Variants in CAB39L observed in about 807,000 individuals in gnomAD.
The protein encoded by CAB39L is calcium binding protein 39 like, also known as calcium-binding protein 39-like.
In CAB39L, 23 loss-of-function variants were observed where a neutral mutation model predicts 39.1. The ratio of observed to expected loss-of-function variants is 0.59; its 90% CI spans 0.42 to 0.83. The LOEUF is 0.83. Ranked by LOEUF, CAB39L falls within the 40% of genes least tolerant of loss-of-function variation. The probability of loss-of-function intolerance (pLI) is 0.00; values close to 1 mark genes in which losing one functional copy is unlikely to be tolerated. For synonymous variants in CAB39L, 126 were observed against 137.2 expected (o/e 0.92, Z 0.57); for missense variants, 366 against 391.9 (o/e 0.93, Z 0.56).
At chr13:49,430,395 C>T (rs1208850674) in intron 3 of CAB39L, among the ~76,000 whole-genome samples, 1 of 152,188 alleles carries the variant, frequency 6.6e-6, no homozygotes, top group African/African-American at 2.4e-5. Flanking sequence ...CCCAGACCCA[C>T]ACAAGGTGGC....
intron 5 of CAB39L, among the ~76,000 whole-genome samples, chr13:49,370,554 T>C (rs1030364968): frequency 6.6e-6 from 1 of 152,202 alleles, no homozygotes; most frequent in African/African-American, 2.4e-5. Context: ...TCATTCAGCT[T>C]TGTGTTGTCC....
chr13:49,430,585 G>C (rs1957306238), intron 3 of CAB39L, among the ~76,000 whole-genome samples: 1 of 152,134 alleles, frequency 6.6e-6, no homozygotes, highest in African/African-American at 2.4e-5. Context: ...TCATTTTCAA[G>C]AGTTTTTTAG....
chr13:49,442,797 A>AAAAAAAC (rs1957556058), intron 1 of CAB39L, among the ~76,000 whole-genome samples: 1 of 122,318 alleles, frequency 8.2e-6, no homozygotes, highest in African/African-American at 3.3e-5. Flanking sequence ...CAAAAAAAAA[A>AAAAAAAC]AAAAAAAAAA....
Position 49,405,747 on chromosome 13 carries a change from A to AAGGG in CAB39L, c.-31-22810_-31-22807dup, listed in dbSNP as rs1161525474. ...GAAGGAAGGAAGGAAGGAAGGAAGG[A>AAGGG]AGGGAGGGAGGGACGGAGGGACAGA... is the stretch of plus-strand genomic sequence containing the variant. On this transcript the variant is annotated intron_variant, in intron 3 of 10. Coordinates refer to ENST00000409308, the MANE Select transcript of CAB39L (RefSeq NM_001079670.3). Among the ~76,000 whole-genome samples the AAGGG allele has an allele frequency of 5.4e-5, 7 of 130,670 alleles. No homozygotes were observed. In the South Asian group the frequency reaches 1.2e-3, roughly 22 times the overall value. The allele number at this position is 130,670 out of a possible 152,430, so 85.7% of individuals were successfully genotyped here. A position where few individuals can be genotyped will look rare whatever the true frequency, so the allele number is the denominator to read the frequency against.
intron 3 of CAB39L, among the ~76,000 whole-genome samples, chr13:49,430,405 C>T (rs547784432): frequency 2.0e-5 from 3 of 152,256 alleles, no homozygotes; most frequent in African/African-American, 7.2e-5. Flanking sequence ...CACAAGGTGG[C>T]TATAACCTAA....
intron 10 of CAB39L, among the ~76,000 whole-genome samples, chr13:49,313,278 G>A (rs1312198824): frequency 3.3e-5 from 5 of 152,110 alleles, no homozygotes; most frequent in South Asian, 4.2e-4. Flanking sequence ...TCAGGAGATC[G>A]AGACCATCCT....
At chr13:49,396,481 G>A (rs1171096978) in intron 3 of CAB39L, among the ~76,000 whole-genome samples, 2 of 152,136 alleles carry the variant, frequency 1.3e-5, no homozygotes, top group Admixed American at 6.5e-5. Context: ...GGCTAAGGTG[G>A]GTGGATCACA....
intron 9 of CAB39L, among the ~76,000 whole-genome samples, chr13:49,338,781 C>A (rs1005237794): frequency 6.6e-6 from 1 of 152,162 alleles, no homozygotes; most frequent in Non-Finnish European, 1.5e-5. Flanking sequence ...TAGGGAATGA[C>A]CATGTTTCAT....
At chr13:49,436,808 T>C (rs1333722677) in intron 1 of CAB39L, among the ~76,000 whole-genome samples, 1 of 152,234 alleles carries the variant, frequency 6.6e-6, no homozygotes, top group Non-Finnish European at 1.5e-5. Context: ...TTTGAGACTT[T>C]TTATCTCTAC....
chr13:49,433,481 T>C, intron 2 of CAB39L, 88 bp from the exon 3 acceptor site: 1 of 389,896 alleles, frequency 2.6e-6, no homozygotes, highest in South Asian at 1.9e-5. Context: ...GTATACAGAA[T>C]TACAAATTAA....
At position 49,365,550 on chromosome 13, in the gene CAB39L, A is replaced by G. The variant is rs562021896; in HGVS notation, c.277-5718T>C. On this transcript the variant is annotated intron_variant, in intron 5 of 10. Coordinates refer to ENST00000409308, the MANE Select transcript of CAB39L (RefSeq NM_001079670.3). ...ACAGGCCTTCTATGAAAAGGTGCTC[A>G]ACATCACTGATTATCAGAGAAATGC... 2.0e-5 allele frequency among the ~76,000 whole-genome samples: 3 copies of G among 152,354 alleles called. No individual in the cohort carries two copies. In the South Asian group the frequency reaches 6.2e-4, roughly 32 times the overall value.
intron 3 of CAB39L, among the ~76,000 whole-genome samples, chr13:49,422,281 A>G (rs1297948149): frequency 1.3e-5 from 2 of 152,188 alleles, no homozygotes; most frequent in Non-Finnish European, 2.9e-5. Flanking sequence ...GCATTTAAAA[A>G]TTTATTTCTG....
At chr13:49,406,541 C>G (rs1275509900) in intron 3 of CAB39L, among the ~76,000 whole-genome samples, 1 of 151,740 alleles carries the variant, frequency 6.6e-6, no homozygotes, top group Non-Finnish European at 1.5e-5. Flanking sequence ...CCTATTTACC[C>G]TGAGGTGATT....
At chr13:49,375,040 CAA>C (rs1323488924) in intron 5 of CAB39L, among the ~76,000 whole-genome samples, 1 of 151,840 alleles carries the variant, frequency 6.6e-6, no homozygotes, top group Non-Finnish European at 1.5e-5. Flanking sequence ...AGGGTTATAA[CAA>C]AAACAAACCA....
chr13:49,353,004 T>C (rs1031093999), intron 6 of CAB39L, among the ~76,000 whole-genome samples: 12 of 152,218 alleles, frequency 7.9e-5, no homozygotes, highest in Admixed American at 4.6e-4. Context: ...ATATCAAATT[T>C]ACAAATATTA....
At chr13:49,355,382 G>A (rs1015598650) in intron 6 of CAB39L, among the ~76,000 whole-genome samples, 12 of 151,916 alleles carry the variant, frequency 7.9e-5, no homozygotes, top group Non-Finnish European at 7.4e-5. Context: ...ACCCTGTCTC[G>A]ATAAATAAAT....
rs547031269 is a variant in CAB39L at position 49,322,545 on chromosome 13, C to T, written c.834+9402G>A. Among the ~76,000 whole-genome samples, 7 of 152,288 alleles carry T rather than the reference C, an allele frequency of 4.6e-5. No homozygotes were observed. The East Asian group carries it at 1.3e-3, about 29-fold the overall frequency. On this transcript the variant is annotated intron_variant, in intron 10 of 10. Coordinates refer to ENST00000409308, the MANE Select transcript of CAB39L (RefSeq NM_001079670.3). ...CAAGTTATTAAGATTCATATTTAAA[C>T]CCAATAGCTCATTTTAACTATTTTG...
intron 9 of CAB39L, among the ~76,000 whole-genome samples, chr13:49,335,838 A>C (rs1490689390): frequency 6.6e-6 from 1 of 152,234 alleles, no homozygotes; most frequent in Non-Finnish European, 1.5e-5. Flanking sequence ...GGAATTAAGC[A>C]GTGCAGGAAA....
chr13:49,443,896 A>AC, intron 1 of CAB39L, 90 bp downstream of exon 1: 1 of 455,514 alleles, frequency 2.2e-6, no homozygotes, highest in Non-Finnish European at 4.4e-6. Context: ...TTCTCTCCGG[A>AC]CCCCTCCACT....
Sources: allele counts gnomAD v4.1 joint callset (sites outside exome capture counted in the v4.1 genomes callset), GRCh38; gene constraint gnomAD v4.1.1; transcripts MANE v1.5; gene names NCBI Gene and HGNC (gene_info 2026-07-23, HGNC 2026-07-21).